C1orf21: variants seen among roughly 807,000 people sequenced by gnomAD.
C1orf21 encodes chromosome 1 open reading frame 21.
A neutral mutation model predicts 18.7 loss-of-function variants in C1orf21; 3 were observed. The ratio of observed to expected loss-of-function variants is 0.16; its 90% CI spans 0.07 to 0.42. C1orf21 has a LOEUF of 0.42. Among genes scored for constraint, C1orf21 ranks in the 10% least tolerant of loss-of-function variants. The probability of loss-of-function intolerance (pLI) is 0.99; values close to 1 mark genes in which losing one functional copy is unlikely to be tolerated. For missense variants in C1orf21, 104 were observed against 143.6 expected, an observed-to-expected ratio of 0.72 and a Z score of 1.41; for synonymous variants, 41 against 46.4, an observed-to-expected ratio of 0.88 and a Z score of 0.47.
intron 3 of C1orf21, among the ~76,000 whole-genome samples, chr1:184,583,739 T>TA (rs1659314297): frequency 6.6e-6 from 1 of 152,230 alleles, no homozygotes; most frequent in South Asian, 2.1e-4. Flanking sequence ...TGGGAAACTC[T>TA]ATTTTAACAC....
chr1:184,389,973 A>T (rs1042544707), intron 1 of C1orf21, among the ~76,000 whole-genome samples: 2 of 152,218 alleles, frequency 1.3e-5, no homozygotes, highest in South Asian at 4.1e-4. Context: ...ATGTTTAAGT[A>T]CAGAGGTCTT....
intron 3 of C1orf21, among the ~76,000 whole-genome samples, chr1:184,571,905 C>A (rs1282239408): frequency 6.7e-6 from 1 of 150,086 alleles, no homozygotes; most frequent in African/African-American, 2.4e-5. Context: ...TGATGTTCTT[C>A]TTAATGTTCT....
intron 1 of C1orf21, among the ~76,000 whole-genome samples, chr1:184,391,490 G>A (rs1054185771): frequency 5.9e-5 from 9 of 152,148 alleles, no homozygotes; most frequent in Non-Finnish European, 1.2e-4. Flanking sequence ...GTCACTCAAT[G>A]AGTGATTGAA....
At chr1:184,410,659 A>ATTTTTT (rs1260228494) in intron 1 of C1orf21, among the ~76,000 whole-genome samples, 2 of 6,092 alleles carry the variant, frequency 3.3e-4, no homozygotes, top group East Asian at 0.011. Flanking sequence ...ATATATATAT[A>ATTTTTT]TATATTTTTT....
chr1:184,446,141 C>T (rs1657026456), intron 1 of C1orf21, among the ~76,000 whole-genome samples: 1 of 152,144 alleles, frequency 6.6e-6, no homozygotes, highest in African/African-American at 2.4e-5. Flanking sequence ...TTTTCTTCTT[C>T]ATGCCTTTAG....
At chr1:184,590,574 A>C (rs1039944527) in intron 3 of C1orf21, among the ~76,000 whole-genome samples, 165 bp from the exon 4 acceptor site, 2 of 152,158 alleles carry the variant, frequency 1.3e-5, no homozygotes, top group East Asian at 1.9e-4. Context: ...GGCAGGTTCT[A>C]CCTGTTCTGT....
rs1659886568 is a variant in C1orf21, at chr1:184,619,729, A to G, written c.*173A>G. On this transcript the variant is annotated 3_prime_UTR_variant, in exon 6 of 6. Coordinates refer to ENST00000235307, the MANE Select transcript of C1orf21 (RefSeq NM_030806.4). ...TGTTTCTTAATGAACTTGCAAAGGA[A>G]TATTGCTAAAAACAAACAAAAAAAA... 9.8e-6 allele frequency: 5 copies of G among 511,738 alleles called. No homozygotes were observed. The highest frequency in any genetic ancestry group is 1.7e-5 in the Non-Finnish European group (5 of 301,466). 31.7% of individuals were successfully genotyped at this position (511,738 alleles called of 1,614,324 possible).
At chr1:184,571,430 G>A (rs1659111064) in intron 3 of C1orf21, among the ~76,000 whole-genome samples, 1 of 152,136 alleles carries the variant, frequency 6.6e-6, no homozygotes, top group Non-Finnish European at 1.5e-5. Flanking sequence ...TTTAACAACT[G>A]GCTTTACCTA....
At chr1:184,605,153 C>T (rs573612775) in intron 5 of C1orf21, among the ~76,000 whole-genome samples, 1 of 152,186 alleles carries the variant, frequency 6.6e-6, no homozygotes, top group Non-Finnish European at 1.5e-5. Flanking sequence ...GACTAGTTCT[C>T]ATTCAGCTTC....
intron 1 of C1orf21, among the ~76,000 whole-genome samples, chr1:184,474,896 G>C (rs1364474726): frequency 6.6e-6 from 1 of 152,158 alleles, no homozygotes; most frequent in African/African-American, 2.4e-5. Flanking sequence ...ACGTGATAAT[G>C]CTGGGGATGA....
At chr1:184,509,759 A>C (rs1658117784) in intron 3 of C1orf21, among the ~76,000 whole-genome samples, 1 of 152,206 alleles carries the variant, frequency 6.6e-6, no homozygotes, top group Non-Finnish European at 1.5e-5. Flanking sequence ...TATTTTACGA[A>C]TGATACTAAG....
intron 1 of C1orf21, among the ~76,000 whole-genome samples, chr1:184,435,088 G>A (rs1356898667): frequency 6.6e-6 from 1 of 152,182 alleles, no homozygotes; most frequent in Non-Finnish European, 1.5e-5. Flanking sequence ...ATATTTGGAA[G>A]TAGGGTATAG....
In C1orf21 at chr1:184,511,289, TAGAC is replaced by T. The variant is rs1170720534; in HGVS notation, c.189+3610_189+3613del. ...ACTTCACCTGTTACTACTAGATTCT[TAGAC>T]AGTCAGATTATCTGGGAGACAAAAG... On this transcript the variant is annotated intron_variant, in intron 3 of 5. Coordinates refer to ENST00000235307, the MANE Select transcript of C1orf21 (RefSeq NM_030806.4). 3.9e-5 allele frequency among the ~76,000 whole-genome samples: 6 copies of T among 152,188 alleles called. No individual in the cohort carries two copies. The South Asian group carries it at 6.2e-4, about 16-fold the overall frequency.
intron 3 of C1orf21, among the ~76,000 whole-genome samples, chr1:184,527,801 C>T (rs1658400903): frequency 6.6e-6 from 1 of 152,084 alleles, no homozygotes; most frequent in Non-Finnish European, 1.5e-5. Flanking sequence ...ATAGTAACTA[C>T]CTAACAGGAT....
chr1:184,612,840 G>C (rs993098580), intron 5 of C1orf21, among the ~76,000 whole-genome samples: 8 of 152,218 alleles, frequency 5.3e-5, no homozygotes, highest in Admixed American at 6.5e-5. Flanking sequence ...TATTTTGAGA[G>C]AGAGAGAACA....
intron 2 of C1orf21, among the ~76,000 whole-genome samples, chr1:184,482,444 T>C (rs1657672035): frequency 6.6e-6 from 1 of 152,198 alleles, no homozygotes; most frequent in African/African-American, 2.4e-5. Context: ...CTTGAGAATG[T>C]GCCCGTAGAA....
intron 1 of C1orf21, among the ~76,000 whole-genome samples, chr1:184,450,930 T>C (rs1053608083): frequency 6.6e-6 from 1 of 152,202 alleles, no homozygotes; most frequent in Non-Finnish European, 1.5e-5. Flanking sequence ...CAGGCTGGAG[T>C]GCAGTGGCGC....
intron 1 of C1orf21, among the ~76,000 whole-genome samples, chr1:184,409,702 A>G (rs1329963013): frequency 6.6e-6 from 1 of 152,076 alleles, no homozygotes; most frequent in Non-Finnish European, 1.5e-5. Flanking sequence ...TACGCACCAA[A>G]TAGAATTAAA....
chr1:184,517,105 G>A (rs1398950232), intron 3 of C1orf21, among the ~76,000 whole-genome samples: 3 of 151,934 alleles, frequency 2.0e-5, no homozygotes, highest in African/African-American at 7.2e-5. Flanking sequence ...GGAAAGCCAA[G>A]AGCTCAAGAT....
Sources: gnomAD v4.1 joint callset for allele counts (sites outside exome capture counted in the v4.1 genomes callset) on GRCh38, gnomAD v4.1.1 for gene constraint, MANE v1.5 for transcripts, NCBI Gene and HGNC (gene_info 2026-07-23, HGNC 2026-07-21) for gene names.